Variants in RYR2 observed in about 807,000 individuals in gnomAD.
RYR2 encodes the protein cardiac muscle ryanodine receptor-calcium release channel.
A neutral mutation model predicts 601.1 loss-of-function variants in RYR2; 227 were observed. That is an observed-to-expected ratio of 0.38 (90% CI 0.34 to 0.42). RYR2 has a LOEUF of 0.42. Ranked by LOEUF, RYR2 falls within the 10% of genes least tolerant of loss-of-function variation. The pLI is 1.00. For missense variants in RYR2, 4,646 were observed against 6,156.5 expected (o/e 0.75, Z 8.21); for synonymous variants, 2,223 against 2,175.1 (o/e 1.02, Z -0.61).
chr1:237,151,359 G>A lies in RYR2; in HGVS notation c.48+108790G>A, dbSNP rs188734393. On this transcript the variant is annotated intron_variant, in intron 1 of 104. Transcript: ENST00000366574. Reference sequence around the variant, plus strand: ...ACCCTAACAGAGGCAGCCACCCAAAGTTTTTGTGTTTTGACTAGAGAAAAT... The same window carrying A: ...ACCCTAACAGAGGCAGCCACCCAAAATTTTTGTGTTTTGACTAGAGAAAAT... Among the ~76,000 whole-genome samples the A allele has an allele frequency of 1.1e-3, 167 of 152,244 alleles. 2 individuals are homozygous for A. The highest frequency in any genetic ancestry group is 3.9e-3 in the African/African-American group (164 of 41,552).
chr1:237,113,956 T>C (rs1669779430), intron 1 of RYR2, among the ~76,000 whole-genome samples: 1 of 152,230 alleles, frequency 6.6e-6, no homozygotes, highest in South Asian at 2.1e-4. Flanking sequence ...GGTCTTGACA[T>C]GACGTCGCTC....
At chr1:237,663,791 A>G (rs1684032329) in intron 56 of RYR2, among the ~76,000 whole-genome samples, 1 of 152,202 alleles carries the variant, frequency 6.6e-6, no homozygotes, top group African/African-American at 2.4e-5. Flanking sequence ...TTTACCATGA[A>G]TACCACAGGA....
intron 2 of RYR2, among the ~76,000 whole-genome samples, chr1:237,290,091 T>G (rs1212585821): frequency 3.3e-5 from 5 of 152,132 alleles, no homozygotes; most frequent in African/African-American, 1.2e-4. Context: ...TACTCGTATG[T>G]TTGGGGCAGT....
intron 35 of RYR2, among the ~76,000 whole-genome samples, chr1:237,608,540 A>C (rs949484923): frequency 1.3e-5 from 2 of 152,120 alleles, no homozygotes; most frequent in South Asian, 4.1e-4. Context: ...TCTACAAAAA[A>C]TAAAAAATTA....
chr1:237,669,499 C>CG (rs1228423103), intron 58 of RYR2, among the ~76,000 whole-genome samples: 3 of 134,298 alleles, frequency 2.2e-5, no homozygotes, highest in East Asian at 2.2e-4. Context: ...GCTGGCCGGG[C>CG]GGGGGGCTGA....
chr1:237,828,632 T>G (rs1269595754), intron 102 of RYR2, among the ~76,000 whole-genome samples, 187 bp downstream of exon 102: 1 of 152,242 alleles, frequency 6.6e-6, no homozygotes, highest in East Asian at 1.9e-4. Flanking sequence ...GAAATTGTGG[T>G]GGACGCCACA....
intron 1 of RYR2, among the ~76,000 whole-genome samples, chr1:237,066,352 G>A (rs1663615934): frequency 6.6e-6 from 1 of 152,172 alleles, no homozygotes; most frequent in South Asian, 2.1e-4. Flanking sequence ...AAATGCCCAG[G>A]AATATGTTTT....
chr1:237,386,988 TAAAAC>T (rs1039096107), intron 8 of RYR2, among the ~76,000 whole-genome samples: 10 of 152,238 alleles, frequency 6.6e-5, no homozygotes, highest in African/African-American at 2.2e-4. Context: ...CAACCATCGT[TAAAAC>T]AAAAATAGTA....
intron 4 of RYR2, among the ~76,000 whole-genome samples, chr1:237,358,549 C>A (rs943785976): frequency 6.6e-6 from 1 of 151,986 alleles, no homozygotes; most frequent in African/African-American, 2.4e-5. Flanking sequence ...CCAGAAAACT[C>A]TGACCTGAGC....
Position 237,742,285 on chromosome 1 carries a change from T to TTA in RYR2, c.11092-11_11092-10insTA. 1 of 1,489,002 alleles carries TTA rather than the reference T, an allele frequency of 6.7e-7. No homozygotes were observed. The highest frequency in any genetic ancestry group is 9.0e-7 in the Non-Finnish European group (1 of 1,108,468). The allele number at this position is 1,489,002 out of a possible 1,614,324, so 92.2% of individuals were successfully genotyped here. ...TTCCTGTCTCCTTTTTTTTTTTTTT[T>TTA]AAATATACAGAGTTGTCATGATGAG... is the stretch of plus-strand genomic sequence containing the variant. On this transcript the variant is annotated splice_polypyrimidine_tract_variant and intron_variant, in intron 79 of 104. Transcript: ENST00000366574.
intron 2 of RYR2, among the ~76,000 whole-genome samples, chr1:237,277,657 C>A (rs757926403): frequency 3.3e-5 from 5 of 151,988 alleles, no homozygotes; most frequent in Non-Finnish European, 7.4e-5. Flanking sequence ...CCTGTCTCTA[C>A]AAAAATTTAA....
At chr1:237,401,983 T>C (rs547626897) in intron 10 of RYR2, among the ~76,000 whole-genome samples, 6 of 152,306 alleles carry the variant, frequency 3.9e-5, no homozygotes, top group African/African-American at 9.6e-5. Context: ...GCCTACTTAC[T>C]TATTATCAAA....
At chr1:237,196,950 G>A (rs1267803699) in intron 1 of RYR2, among the ~76,000 whole-genome samples, 2 of 152,002 alleles carry the variant, frequency 1.3e-5, no homozygotes, top group Admixed American at 6.6e-5. Flanking sequence ...AACTGATAAA[G>A]TTTTATAATT....
chr1:237,549,297 G>A (rs1450079023), intron 26 of RYR2, among the ~76,000 whole-genome samples: 1 of 152,200 alleles, frequency 6.6e-6, no homozygotes, highest in Non-Finnish European at 1.5e-5. Context: ...ATTTCTGGCT[G>A]GGCGGGGTGG....
At chr1:237,174,700 G>A (rs1434082322) in intron 1 of RYR2, among the ~76,000 whole-genome samples, 1 of 152,172 alleles carries the variant, frequency 6.6e-6, no homozygotes, top group Non-Finnish European at 1.5e-5. Flanking sequence ...AGTTAGCAGA[G>A]TATGGTGACT....
At chr1:237,238,353 C>A (rs890544773) in intron 1 of RYR2, among the ~76,000 whole-genome samples, 1 of 152,148 alleles carries the variant, frequency 6.6e-6, no homozygotes, top group African/African-American at 2.4e-5. Flanking sequence ...AGTTGTCCAG[C>A]CTTTCCAGAT....
intron 38 of RYR2, among the ~76,000 whole-genome samples, chr1:237,620,432 A>G (rs1282261603): frequency 6.6e-6 from 1 of 152,194 alleles, no homozygotes; most frequent in Non-Finnish European, 1.5e-5. Context: ...AAATCAGAAC[A>G]AACGGAACCA....
At chr1:237,096,478 G>C (rs1347000181) in intron 1 of RYR2, among the ~76,000 whole-genome samples, 1 of 152,174 alleles carries the variant, frequency 6.6e-6, no homozygotes, top group South Asian at 2.1e-4. Flanking sequence ...TGGAAACTTT[G>C]AGTACACAGG....
At chr1:237,629,029 C>T (rs914868942) in intron 41 of RYR2, among the ~76,000 whole-genome samples, 4 of 151,994 alleles carry the variant, frequency 2.6e-5, no homozygotes, top group Non-Finnish European at 5.9e-5. Context: ...TACTTACAGT[C>T]CCTCATTGGA....
Sources: allele counts gnomAD v4.1 joint callset (sites outside exome capture counted in the v4.1 genomes callset), GRCh38; gene constraint gnomAD v4.1.1; transcripts MANE v1.5; gene names NCBI Gene and HGNC (gene_info 2026-07-23, HGNC 2026-07-21).